The following SCFD2 variants were observed in gnomAD, a reference collection of about 807,000 sequenced individuals.
The protein encoded by SCFD2 is sec1 family domain-containing protein 2.
In SCFD2, 54 loss-of-function variants were observed where a neutral mutation model predicts 58.9. That is an observed-to-expected ratio of 0.92 (90% CI 0.74 to 1.15). The LOEUF (loss-of-function observed/expected upper bound fraction) is 1.15, where lower values mean the gene tolerates loss of function less well. Among genes scored for constraint, SCFD2 ranks in the 50% most tolerant of loss-of-function variants. The pLI is 0.00. For synonymous variants in SCFD2, 321 were observed against 335.9 expected (o/e 0.96, Z 0.49); for missense variants, 805 against 836.6 (o/e 0.96, Z 0.47).
Position 53,171,906 on chromosome 4 carries a change from T to C in SCFD2, c.1312-26324A>G, listed in dbSNP as rs1727188986. On this transcript the variant is annotated intron_variant, in intron 4 of 8. Coordinates refer to ENST00000401642, the MANE Select transcript of SCFD2 (RefSeq NM_152540.4). The stretch of plus-strand genomic sequence containing the variant: ...TTTTCTTAGTTTAGCTAGGGGTTTG[T>C]CAATTTCAGCTATCTTTTCAAAAAA... 2.0e-5 allele frequency among the ~76,000 whole-genome samples: 3 copies of C among 151,510 alleles called. No individual in the cohort carries two copies. In the South Asian group the frequency reaches 6.2e-4, roughly 31 times the overall value.
At chr4:53,027,420 G>C (rs1212417035) in intron 5 of SCFD2, among the ~76,000 whole-genome samples, 1 of 152,188 alleles carries the variant, frequency 6.6e-6, no homozygotes, top group East Asian at 1.9e-4. Flanking sequence ...AGCCCCAAGA[G>C]TCTATAACTC....
chr4:53,246,764 A>G (rs979174557), intron 4 of SCFD2, among the ~76,000 whole-genome samples: 25 of 152,190 alleles, frequency 1.6e-4, no homozygotes, highest in African/African-American at 5.8e-4. Flanking sequence ...AACCTAGGTA[A>G]CATCATTCTG....
At chr4:53,356,376 G>C (rs1328117288) in intron 1 of SCFD2, among the ~76,000 whole-genome samples, 4 of 152,228 alleles carry the variant, frequency 2.6e-5, no homozygotes, top group African/African-American at 7.2e-5. Flanking sequence ...CTCAAGGGCA[G>C]GGGAATTTAA....
rs377698776 is a variant in SCFD2, at chr4:53,356,851, C to T, written c.839-4085G>A. Reference sequence around the variant, plus strand: ...TCCTCGGTTCACGCCATTCTCCTGCCTCAGCCTCCGGAGTAGCTGGGACTA... The same window carrying T: ...TCCTCGGTTCACGCCATTCTCCTGCTTCAGCCTCCGGAGTAGCTGGGACTA... On this transcript the variant is annotated intron_variant, in intron 1 of 8. Coordinates refer to ENST00000401642, the MANE Select transcript of SCFD2 (RefSeq NM_152540.4). Among the ~76,000 whole-genome samples the T allele has an allele frequency of 7.9e-5, 12 of 151,856 alleles. No homozygotes were observed. In the East Asian group the frequency reaches 9.7e-4, roughly 12 times the overall value.
intron 4 of SCFD2, among the ~76,000 whole-genome samples, chr4:53,209,008 G>A (rs1728521744): frequency 6.6e-6 from 1 of 152,074 alleles, no homozygotes; most frequent in Non-Finnish European, 1.5e-5. Context: ...TTAGGGTAGA[G>A]GATTAAGACA....
At chr4:53,286,090 A>G (rs1330690514) in intron 3 of SCFD2, among the ~76,000 whole-genome samples, 1 of 152,066 alleles carries the variant, frequency 6.6e-6, no homozygotes, top group Admixed American at 6.6e-5. Context: ...ATTCACGTAC[A>G]CAGAAGCAGA....
chr4:52,981,327 C>T lies in SCFD2; in HGVS notation c.1562-60457G>A, dbSNP rs538173240. Among the ~76,000 whole-genome samples, 33 of 152,266 alleles carry T rather than the reference C, an allele frequency of 2.2e-4. 1 individual carries two copies. Among genetic ancestry groups the T allele is most frequent in the African/African-American group, 7.5e-4 (31 of 41,574 alleles). ...TTTCTAAGAAAGATGAAGTCTCCTGCCCTGCTTTAATTTTAGGCTTTAAGC... is the reference window on the plus strand; with the variant it reads ...TTTCTAAGAAAGATGAAGTCTCCTGTCCTGCTTTAATTTTAGGCTTTAAGC... On this transcript the variant is annotated intron_variant, in intron 5 of 8. Coordinates refer to ENST00000401642, the MANE Select transcript of SCFD2 (RefSeq NM_152540.4).
chr4:53,105,349 C>G (rs1724961312), intron 5 of SCFD2, among the ~76,000 whole-genome samples: 1 of 151,812 alleles, frequency 6.6e-6, no homozygotes, highest in Non-Finnish European at 1.5e-5. Flanking sequence ...CGTTCACTCC[C>G]CTGGAAAGGG....
chr4:53,044,706 T>C (rs1722985264), intron 5 of SCFD2, among the ~76,000 whole-genome samples: 1 of 150,020 alleles, frequency 6.7e-6, no homozygotes, highest in South Asian at 2.2e-4. Flanking sequence ...CTGTAATTCC[T>C]TGCCAAGCCT....
In SCFD2 at chr4:53,143,293, C is replaced by T. The variant is rs1726223267; in HGVS notation, c.1561+2040G>A. 2.0e-5 allele frequency among the ~76,000 whole-genome samples: 3 copies of T among 152,152 alleles called. No homozygotes were observed. The South Asian group carries it at 6.2e-4, about 31-fold the overall frequency. On this transcript the variant is annotated intron_variant, in intron 5 of 8. Coordinates refer to ENST00000401642, the MANE Select transcript of SCFD2 (RefSeq NM_152540.4). ...AAACATGTCATCTTGTTATCTGTTT[C>T]CAAAATTATGCTTCTTAGGAATAAC...
rs1392852545 is a variant in SCFD2 at position 53,188,605 on chromosome 4, C to T, written c.1312-43023G>A. Among the ~76,000 whole-genome samples the T allele has an allele frequency of 5.9e-5, 9 of 152,196 alleles. No homozygotes were observed. In the East Asian group the frequency reaches 1.4e-3, roughly 23 times the overall value. ...CACATCACTATGTAACTAGATTGCACGTTCATTCATTCTTAACGACTGTTA... is the reference window on the plus strand; with the variant it reads ...CACATCACTATGTAACTAGATTGCATGTTCATTCATTCTTAACGACTGTTA... On this transcript the variant is annotated intron_variant, in intron 4 of 8. Transcript: ENST00000401642.
chr4:53,076,911 T>C (rs1723993663), intron 5 of SCFD2, among the ~76,000 whole-genome samples: 1 of 152,182 alleles, frequency 6.6e-6, no homozygotes, highest in East Asian at 1.9e-4. Context: ...AATTTAAACG[T>C]ACCAGAAGTC....
intron 4 of SCFD2, among the ~76,000 whole-genome samples, chr4:53,204,469 A>G (rs1728348232): frequency 6.6e-6 from 1 of 151,706 alleles, no homozygotes; most frequent in Admixed American, 6.6e-5. Flanking sequence ...GCAAAAATAA[A>G]AATTCAATAA....
intron 5 of SCFD2, among the ~76,000 whole-genome samples, chr4:53,001,002 T>C (rs1721854676): frequency 6.6e-6 from 1 of 152,194 alleles, no homozygotes; most frequent in Non-Finnish European, 1.5e-5. Context: ...TGAATTAGAT[T>C]AGAGTAAACA....
chr4:53,037,027 G>A (rs773906502), intron 5 of SCFD2, among the ~76,000 whole-genome samples: 11 of 152,012 alleles, frequency 7.2e-5, no homozygotes, highest in Admixed American at 2.0e-4. Context: ...GAATTGTGGC[G>A]GTTACATGAC....
rs577860118 is a variant in SCFD2 at position 53,238,769 on chromosome 4, C to T, written c.1311+35057G>A. ...CCCCACATCTCAGACGATGGGCGGC[C>T]GGGCAGAGACGCTCCTCACTTCCTA... On this transcript the variant is annotated intron_variant, in intron 4 of 8. Coordinates refer to ENST00000401642, the MANE Select transcript of SCFD2 (RefSeq NM_152540.4). Among the ~76,000 whole-genome samples, 27 of 150,662 alleles carry T rather than the reference C, an allele frequency of 1.8e-4. No individual in the cohort carries two copies. In the South Asian group the frequency reaches 2.7e-3, roughly 15 times the overall value.
chr4:52,982,974 T>C (rs1056703556), intron 5 of SCFD2, among the ~76,000 whole-genome samples: 1 of 152,172 alleles, frequency 6.6e-6, no homozygotes, highest in Non-Finnish European at 1.5e-5. Flanking sequence ...TTATTTACAA[T>C]CATGATTCTC....
intron 6 of SCFD2, among the ~76,000 whole-genome samples, chr4:52,910,821 C>G (rs1719466765): frequency 6.6e-6 from 1 of 152,032 alleles, no homozygotes; most frequent in Non-Finnish European, 1.5e-5. Flanking sequence ...TTATGAGATC[C>G]GATGGTTTTA....
At chr4:52,911,848 T>C (rs766248508) in intron 6 of SCFD2, among the ~76,000 whole-genome samples, 2 of 152,202 alleles carry the variant, frequency 1.3e-5, no homozygotes, top group African/African-American at 4.8e-5. Flanking sequence ...TTCTGTGCTT[T>C]GCCAGCTAGG....
Sources: allele counts gnomAD v4.1 joint callset (sites outside exome capture counted in the v4.1 genomes callset), GRCh38; gene constraint gnomAD v4.1.1; transcripts MANE v1.5; gene names NCBI Gene and HGNC (gene_info 2026-07-23, HGNC 2026-07-21).